Variants in STYX observed in about 807,000 individuals in gnomAD.
STYX encodes serine/threonine/tyrosine-interacting protein.
STYX carries 20 observed loss-of-function variants against 42.7 expected under a neutral mutation model. The ratio of observed to expected loss-of-function variants is 0.47; its 90% CI spans 0.33 to 0.68. STYX has a LOEUF of 0.68. STYX is among the 30% of genes least tolerant of loss of function. The probability of loss-of-function intolerance (pLI) is 0.02; values close to 1 mark genes in which losing one functional copy is unlikely to be tolerated. For synonymous variants in STYX, 78 were observed against 81.9 expected (o/e 0.95, Z 0.26); for missense variants, 226 against 268.5 (o/e 0.84, Z 1.11).
rs1418628467 is a variant in STYX at position 52,773,488 on chromosome 14, C to T, written c.*2382C>T. ...AAGTAGCTGGGGTTAGAGGCACATG[C>T]CACCATGCCTGGCTAATTTTTGTAG... On this transcript the variant is annotated 3_prime_UTR_variant, in exon 11 of 11. Transcript: ENST00000354586. 2 of 152,180 alleles carry T rather than the reference C, an allele frequency of 1.3e-5. No homozygotes were observed. Among genetic ancestry groups the T allele is most frequent in the African/African-American group, 2.4e-5 (1 of 41,372 alleles). 9.4% of individuals were successfully genotyped at this position (152,180 alleles called of 1,614,324 possible).
At chr14:52,748,732 A>G (rs1375576627) in intron 3 of STYX, among the ~76,000 whole-genome samples, 1 of 152,232 alleles carries the variant, frequency 6.6e-6, no homozygotes, top group African/African-American at 2.4e-5. Context: ...GCATATTTAT[A>G]CATAATTATG....
Position 52,759,687 on chromosome 14 carries a change from C to G in STYX, c.437C>G (p.Ala146Gly), listed in dbSNP as rs947675382. 1 of 1,602,044 alleles carries G rather than the reference C, an allele frequency of 6.2e-7. No individual in the cohort carries two copies. The highest frequency in any genetic ancestry group is 1.1e-5 in the South Asian group (1 of 90,298). ...CACTCTTTTTCTGTTTTCAGAGATG[C>G]TTTTGCTTATGTTCAAGAAAGAAGA... ...METFGMKYRD[A>G]FAYVQERRFC... Residue 146 changes from alanine to glycine, a missense_variant, in exon 9 of 11, where the codon GCT becomes GGT. Physicochemically the swap from Ala to Gly is moderately conservative, Grantham distance 60. Transcript: ENST00000354586.
chr14:52,759,731 G>C lies in STYX; in HGVS notation c.481G>C (p.Ala161Pro). The change falls in exon 9 of 11, where the codon GCT (alanine) becomes CCT (proline). Residue 161 changes from alanine to proline, a missense_variant. Physicochemically the swap from Ala to Pro is conservative, Grantham distance 27 (BLOSUM62 -1). Coordinates refer to ENST00000354586, the MANE Select transcript of STYX (RefSeq NM_145251.4). The part of the protein sequence containing the change: ...QERRFCINPN[A>P]GFVHQLQEYE... Reference sequence around the variant, plus strand: ...AAGAAGATTTTGTATTAATCCTAATGCTGGATTTGTCCATCAACTTCAGGT... The same window carrying C: ...AAGAAGATTTTGTATTAATCCTAATCCTGGATTTGTCCATCAACTTCAGGT... 6.2e-7 allele frequency: 1 copy of C among 1,611,224 alleles called. No homozygotes were observed. The highest frequency in any genetic ancestry group is 1.7e-4 in the Middle Eastern group (1 of 6,050).
chr14:52,734,020 A>G (rs1435057146), intron 1 of STYX, among the ~76,000 whole-genome samples: 1 of 152,000 alleles, frequency 6.6e-6, no homozygotes, highest in Non-Finnish European at 1.5e-5. Context: ...AATTGGTCTG[A>G]TTGGTTGCCA....
At chr14:52,752,315 A>C (rs1881650268) in intron 4 of STYX, among the ~76,000 whole-genome samples, 1 of 151,342 alleles carries the variant, frequency 6.6e-6, no homozygotes, top group African/African-American at 2.4e-5. Context: ...AAATACAAAA[A>C]TTATCTGGGC....
At chr14:52,769,102 C>G (rs1882417152) in intron 10 of STYX, among the ~76,000 whole-genome samples, 169 bp downstream of exon 10, 1 of 152,040 alleles carries the variant, frequency 6.6e-6, no homozygotes, top group Non-Finnish European at 1.5e-5. Flanking sequence ...CTATAATAAG[C>G]TTAAGTCTTT....
rs1023401675 is a variant in STYX, at chr14:52,771,381, T to TG, written c.*276dup. ...TATTATAAACCAAGAATTTTGGACT[T>TG]GCAAAGAGGTATTATTGCAATAATG... On this transcript the variant is annotated 3_prime_UTR_variant, in exon 11 of 11. Coordinates refer to ENST00000354586, the MANE Select transcript of STYX (RefSeq NM_145251.4). 2.5e-5 allele frequency: 7 copies of TG among 285,296 alleles called. No individual in the cohort carries two copies. Among genetic ancestry groups the TG allele is most frequent in the African/African-American group, 1.5e-4 (7 of 45,998 alleles). The allele number at this position is 285,296 out of a possible 1,614,324, so 17.7% of individuals were successfully genotyped here. A position where few individuals can be genotyped will look rare whatever the true frequency, so the allele number is the denominator to read the frequency against.
At chr14:52,769,486 T>C (rs1372224434) in intron 10 of STYX, among the ~76,000 whole-genome samples, 2 of 152,136 alleles carry the variant, frequency 1.3e-5, no homozygotes, top group Non-Finnish European at 2.9e-5. Context: ...AACAGTTATA[T>C]AAGGTAGTAA....
chr14:52,761,831 G>T (rs1325783131), intron 9 of STYX, among the ~76,000 whole-genome samples: 1 of 149,984 alleles, frequency 6.7e-6, no homozygotes, highest in Non-Finnish European at 1.5e-5. Flanking sequence ...GATCACCTGA[G>T]ATCAGGAGTT....
chr14:52,756,675 C>CTTTTTT (rs748826005), intron 5 of STYX, 64 bp downstream of exon 5: 4 of 71,932 alleles, frequency 5.6e-5, no homozygotes, highest in South Asian at 2.5e-4. Flanking sequence ...CTTAGTTGTG[C>CTTTTTT]TTTTTTTTTT....
intron 9 of STYX, among the ~76,000 whole-genome samples, chr14:52,765,967 A>G (rs1254391130): frequency 6.6e-6 from 1 of 152,204 alleles, no homozygotes; most frequent in East Asian, 1.9e-4. Context: ...CTAGATGACC[A>G]TAAGATGCTT....
chr14:52,730,194 C>A lies in STYX; in HGVS notation c.-281C>A. ...TGTCGGGCTGGTTCCTGTGCTGGAT[C>A]CTGGGCGGCCTGAGGGGTACGGAGA... On this transcript the variant is annotated 5_prime_UTR_variant, in exon 1 of 11. Coordinates refer to ENST00000354586, the MANE Select transcript of STYX (RefSeq NM_145251.4). 1 of 495,552 alleles carries A rather than the reference C, an allele frequency of 2.0e-6. No individual in the cohort carries two copies. The highest frequency in any genetic ancestry group is 3.4e-5 in the East Asian group (1 of 29,640). 30.7% of individuals were successfully genotyped at this position (495,552 alleles called of 1,614,324 possible). A position where few individuals can be genotyped will look rare whatever the true frequency, so the allele number is the denominator to read the frequency against.
At chr14:52,730,619 C>A in intron 1 of STYX, 88 bp downstream of exon 1, 1 of 1,471,192 alleles carries the variant, frequency 6.8e-7, no homozygotes, top group Admixed American at 2.0e-5. Context: ...TCTTAGCCGC[C>A]ACCTGTACGG....
At chr14:52,760,822 CT>C (rs892569928) in intron 9 of STYX, among the ~76,000 whole-genome samples, 6 of 150,614 alleles carry the variant, frequency 4.0e-5, no homozygotes, top group African/African-American at 1.5e-4. Flanking sequence ...TTAAGCTTTT[CT>C]TTTTTTTGTG....
Position 52,772,913 on chromosome 14 carries a change from G to A in STYX, c.*1807G>A, listed in dbSNP as rs1260700741. The A allele has an allele frequency of 2.0e-5, 3 of 151,774 alleles. No homozygotes were observed. The East Asian group carries it at 5.8e-4, about 29-fold the overall frequency. 9.4% of individuals were successfully genotyped at this position (151,774 alleles called of 1,614,324 possible). Reference sequence around the variant, plus strand: ...GTCTTTTGATGTACAGTGGTCTAGTGGAGTCAAGATTCGCATTGGGTTTTC... The same window carrying A: ...GTCTTTTGATGTACAGTGGTCTAGTAGAGTCAAGATTCGCATTGGGTTTTC... On this transcript the variant is annotated 3_prime_UTR_variant, in exon 11 of 11. Coordinates refer to ENST00000354586, the MANE Select transcript of STYX (RefSeq NM_145251.4).
chr14:52,736,352 A>T lies in STYX; in HGVS notation c.57+5821A>T, dbSNP rs2145955. The stretch of plus-strand genomic sequence containing the variant: ...ATACTTACCTTTGTAACATTTAACA[A>T]TTTTTGGTCATTGTCTATTTTCCAT... On this transcript the variant is annotated intron_variant, in intron 1 of 10. Transcript: ENST00000354586. 1.1e-4 allele frequency among the ~76,000 whole-genome samples: 17 copies of T among 152,292 alleles called. No homozygotes were observed. The South Asian group carries it at 2.3e-3, about 20-fold the overall frequency.
At chr14:52,740,519 G>C (rs771113309) in intron 1 of STYX, among the ~76,000 whole-genome samples, 21 of 152,198 alleles carry the variant, frequency 1.4e-4, no homozygotes, top group Admixed American at 7.2e-4. Context: ...CCAAAATCAA[G>C]TTACTTAGGT....
At chr14:52,735,369 G>C (rs1187788133) in intron 1 of STYX, among the ~76,000 whole-genome samples, 1 of 152,132 alleles carries the variant, frequency 6.6e-6, no homozygotes, top group Admixed American at 6.5e-5. Context: ...CTGTAGCCAG[G>C]AAAGGGCAGA....
intron 6 of STYX, among the ~76,000 whole-genome samples, 189 bp downstream of exon 6, chr14:52,757,544 T>G (rs530188418): frequency 1.2e-4 from 18 of 152,212 alleles, no homozygotes; most frequent in Non-Finnish European, 2.4e-4. Flanking sequence ...GTAGACTGTT[T>G]TCAAATTCTC....
Sources: allele counts gnomAD v4.1 joint callset (sites outside exome capture counted in the v4.1 genomes callset), GRCh38; gene constraint gnomAD v4.1.1; transcripts MANE v1.5; gene names NCBI Gene and HGNC (gene_info 2026-07-23, HGNC 2026-07-21).